ARHGAP35: variants seen among roughly 807,000 people sequenced by gnomAD.
The protein encoded by ARHGAP35 is rho GTPase-activating protein 35.
In ARHGAP35, 15 loss-of-function variants were observed where a neutral mutation model predicts 111.1. The observed-to-expected ratio is 0.13, with a 90% confidence interval of 0.09 to 0.21. The LOEUF is 0.21. Among genes scored for constraint, ARHGAP35 ranks in the 10% least tolerant of loss-of-function variants. The pLI is 1.00. For missense variants in ARHGAP35, 1,262 were observed against 1,873.0 expected, an observed-to-expected ratio of 0.67 and a Z score of 6.02; for synonymous variants, 643 against 710.3, an observed-to-expected ratio of 0.91 and a Z score of 1.51.
In ARHGAP35 at chr19:46,870,351, G is replaced by A. The variant is rs371987055; in HGVS notation, c.-189+9142G>A. 8.6e-4 allele frequency among the ~76,000 whole-genome samples: 131 copies of A among 151,826 alleles called. 1 individual carries two copies. The highest frequency in any genetic ancestry group is 9.6e-4 in the Non-Finnish European group (65 of 67,902). ...CCCCAGCACTTTGGGAGGCCGAGGC[G>A]GGTGGATCACGAGGTCAGGAGATCG... is the stretch of plus-strand genomic sequence containing the variant. On this transcript the variant is annotated intron_variant, in intron 1 of 6. Coordinates refer to ENST00000672722, the MANE Select transcript of ARHGAP35 (RefSeq NM_004491.5).
At position 46,921,148 on chromosome 19, in the gene ARHGAP35, C is replaced by A. The variant is rs2056197316; in HGVS notation, c.2473C>A (p.Pro825Thr). 6.2e-7 allele frequency: 1 copy of A among 1,614,022 alleles called. No individual in the cohort carries two copies. The highest frequency in any genetic ancestry group is 8.5e-7 in the Non-Finnish European group (1 of 1,179,896). The change falls in exon 2 of 7, where the codon CCA becomes ACA. Residue 825 changes from proline (P) to threonine (T), a missense_variant. By Grantham distance (38) the Pro-to-Thr change is conservative. Transcript: ENST00000672722. This position sits in a 1 kb window ranked among gnomAD's most constrained non-coding sequence, Gnocchi z 4.3. ...GSNNSVLLELPIGLHKKRIEL... is the reference protein window; with the variant it reads ...GSNNSVLLELTIGLHKKRIEL... The stretch of plus-strand genomic sequence containing the variant: ...CAACAACTCTGTTTTACTTGAACTA[C>A]CAATCGGACTGCACAAGAAGCGGAT...
chr19:46,907,115 T>C (rs2056112957), intron 1 of ARHGAP35, among the ~76,000 whole-genome samples: 3 of 152,152 alleles, frequency 2.0e-5, no homozygotes, highest in Non-Finnish European at 1.5e-5. Flanking sequence ...TTTTTCTTAA[T>C]AAAAAATATT....
chr19:46,870,301 G>A (rs2055880952), intron 1 of ARHGAP35, among the ~76,000 whole-genome samples: 1 of 151,540 alleles, frequency 6.6e-6, no homozygotes, highest in African/African-American at 2.4e-5. Context: ...CTTCTGGGCT[G>A]GGCACGGTGG....
chr19:46,917,424 A>G (rs1438692187), intron 1 of ARHGAP35, among the ~76,000 whole-genome samples: 1 of 152,118 alleles, frequency 6.6e-6, no homozygotes, highest in Non-Finnish European at 1.5e-5. Flanking sequence ...CCCGGGCAAC[A>G]TGGTGAAACC....
At chr19:46,936,557 A>T (rs556531139) in intron 2 of ARHGAP35, among the ~76,000 whole-genome samples, 14 of 152,160 alleles carry the variant, frequency 9.2e-5, no homozygotes, top group Admixed American at 4.6e-4. Flanking sequence ...CATTTTTTTT[A>T]AAGATTTTAG....
chr19:46,907,961 A>C (rs1240086092), intron 1 of ARHGAP35, among the ~76,000 whole-genome samples: 1 of 152,242 alleles, frequency 6.6e-6, no homozygotes, highest in Non-Finnish European at 1.5e-5. Flanking sequence ...TAATGAGCTG[A>C]AATCCTCATG....
intron 3 of ARHGAP35, among the ~76,000 whole-genome samples, chr19:46,963,130 GT>G (rs1390537303): frequency 6.6e-6 from 1 of 152,144 alleles, no homozygotes; most frequent in Non-Finnish European, 1.5e-5. Flanking sequence ...TGTTTGCATG[GT>G]GTGCTACCCT....
intron 1 of ARHGAP35, among the ~76,000 whole-genome samples, chr19:46,870,829 C>G (rs1471672644): frequency 6.6e-6 from 1 of 151,834 alleles, no homozygotes; most frequent in African/African-American, 2.4e-5. Flanking sequence ...TGCAAATCCC[C>G]TTTTAAGTTT....
Position 46,918,820 on chromosome 19 carries a change from G to C in ARHGAP35, c.145G>C (p.Glu49Gln), listed in dbSNP as rs765361920. The change falls in exon 2 of 7, where the codon GAG (glutamate) becomes CAG (glutamine). Residue 49 changes from glutamate to glutamine, a missense_variant. Transcript: ENST00000672722. This position sits in a 1 kb window ranked among gnomAD's most constrained non-coding sequence, Gnocchi z 5.4. ...CNRFVRPSADEFHLDHTSVLS... is the reference protein window; with the variant it reads ...CNRFVRPSADQFHLDHTSVLS... ...CCGCTTCGTGCGCCCGAGTGCTGAC[G>C]AGTTTCACTTGGACCATACCTCCGT... 1.2e-6 allele frequency: 2 copies of C among 1,613,942 alleles called. No individual in the cohort carries two copies.
At chr19:46,948,058 A>G (rs1221935419) in intron 3 of ARHGAP35, 1 of 152,176 alleles carries the variant, frequency 6.6e-6, no homozygotes, top group Non-Finnish European at 1.5e-5. Context: ...GTTTTATGAC[A>G]TCAGCATTCC....
At chr19:46,880,989 G>C (rs2055959769) in intron 1 of ARHGAP35, among the ~76,000 whole-genome samples, 2 of 145,010 alleles carry the variant, frequency 1.4e-5, no homozygotes, top group African/African-American at 5.2e-5. Flanking sequence ...CTGTCACTCA[G>C]GCTGGAGTGC....
At chr19:46,935,714 A>G (rs190008337) in intron 2 of ARHGAP35, among the ~76,000 whole-genome samples, 2 of 152,332 alleles carry the variant, frequency 1.3e-5, no homozygotes, top group Admixed American at 1.3e-4. Context: ...CTGGAGATAC[A>G]CCTGGGTCTA....
chr19:46,882,338 A>G (rs1181877034), intron 1 of ARHGAP35, among the ~76,000 whole-genome samples: 1 of 151,684 alleles, frequency 6.6e-6, no homozygotes, highest in Non-Finnish European at 1.5e-5. Context: ...GGATCAGCGT[A>G]TGTTGACCAT....
intron 3 of ARHGAP35, among the ~76,000 whole-genome samples, chr19:46,960,012 A>C (rs1313855493): frequency 6.6e-6 from 1 of 150,388 alleles, no homozygotes; most frequent in Non-Finnish European, 1.5e-5. Context: ...CAGGAGGCTA[A>C]GGTGGGAGGA....
intron 1 of ARHGAP35, among the ~76,000 whole-genome samples, chr19:46,905,565 C>T (rs1023034013): frequency 8.1e-5 from 12 of 147,926 alleles, no homozygotes; most frequent in African/African-American, 2.8e-4. Flanking sequence ...ACCCCCCCCC[C>T]CCAAGACAGA....
chr19:46,921,989 A>T lies in ARHGAP35; in HGVS notation c.3314A>T (p.Tyr1105Phe). 1 of 1,613,922 alleles carries T rather than the reference A, an allele frequency of 6.2e-7. No homozygotes were observed. The highest frequency in any genetic ancestry group is 8.5e-7 in the Non-Finnish European group (1 of 1,179,896). ...CCAAGGAATGAAGAAGAAAACATAT[A>T]CTCCGTGCCCCATGACAGCACCCAA... ...VKPRNEEENIYSVPHDSTQGK... is the reference protein window; with the variant it reads ...VKPRNEEENIFSVPHDSTQGK... Residue 1105 changes from tyrosine (Y) to phenylalanine (F), a missense_variant, in exon 2 of 7, where the codon TAC becomes TTC. By Grantham distance (22) the Tyr-to-Phe change is conservative. Transcript: ENST00000672722. The surrounding 1 kb of genome is among the most constrained non-coding windows in gnomAD (Gnocchi z 4.3).
intron 3 of ARHGAP35, among the ~76,000 whole-genome samples, chr19:46,987,096 G>A: frequency 6.6e-6 from 1 of 151,934 alleles, no homozygotes; most frequent in Non-Finnish European, 1.5e-5. Context: ...CCAAAGTGCT[G>A]GGATTACAAG....
chr19:46,989,275 CA>C lies in ARHGAP35; in HGVS notation c.3905-264del. On this transcript the variant is annotated intron_variant, in intron 4 of 6. Transcript: ENST00000672722. The surrounding 1 kb of genome is among the most constrained non-coding windows in gnomAD (Gnocchi z 5.3). ...CCAGATGAAGGCAAGCTCCTGGCAC[CA>C]AAAACCAGCATGTGGGGGTAGCACC... 20 of 339,990 alleles carry C rather than the reference CA, an allele frequency of 5.9e-5. No homozygotes were observed. The highest frequency in any genetic ancestry group is 1.6e-4 in the South Asian group (4 of 25,318). 21.1% of individuals were successfully genotyped at this position (339,990 alleles called of 1,614,324 possible).
chr19:46,959,877 C>T (rs749117813), intron 3 of ARHGAP35, among the ~76,000 whole-genome samples: 10 of 151,744 alleles, frequency 6.6e-5, no homozygotes, highest in South Asian at 2.1e-4. Flanking sequence ...GCTAGAGGAT[C>T]GCTTGAGCCT....
Sources: allele counts gnomAD v4.1 joint callset (sites outside exome capture counted in the v4.1 genomes callset), GRCh38; gene constraint gnomAD v4.1.1; non-coding constraint Gnocchi (gnomAD v3.1); transcripts MANE v1.5; gene names NCBI Gene and HGNC (gene_info 2026-07-23, HGNC 2026-07-21).